TNKS: variants seen among roughly 807,000 people sequenced by gnomAD.
TNKS encodes the protein poly [ADP-ribose] polymerase tankyrase-1.
Under a neutral mutation model 135.8 loss-of-function variants are expected in TNKS, and 72 were observed. The ratio of observed to expected loss-of-function variants is 0.53; its 90% CI spans 0.44 to 0.64. The LOEUF (loss-of-function observed/expected upper bound fraction) is 0.64, where lower values mean the gene tolerates loss of function less well. Ranked by LOEUF, TNKS falls within the 30% of genes least tolerant of loss-of-function variation. The pLI is 0.00. For missense variants in TNKS, 1,769 were observed against 1,674.0 expected (o/e 1.06, Z -0.99); for synonymous variants, 849 against 649.3 (o/e 1.31, Z -4.68).
intron 17 of TNKS, among the ~76,000 whole-genome samples, chr8:9,746,240 A>T (rs1316633705): frequency 6.6e-6 from 1 of 152,222 alleles, no homozygotes; most frequent in Non-Finnish European, 1.5e-5. Flanking sequence ...CTTAAGTGCT[A>T]ACCAGCCTAA....
intron 2 of TNKS, among the ~76,000 whole-genome samples, chr8:9,612,713 G>C (rs1799507196): frequency 6.6e-6 from 1 of 152,118 alleles, no homozygotes; most frequent in Non-Finnish European, 1.5e-5. Context: ...TCGAGGGAGG[G>C]ATGAGGACCC....
At chr8:9,560,328 G>A (rs117059190) in intron 1 of TNKS, among the ~76,000 whole-genome samples, 1 of 151,666 alleles carries the variant, frequency 6.6e-6, no homozygotes, top group South Asian at 2.1e-4. Context: ...TAACATATAC[G>A]ACTTGGATTA....
intron 1 of TNKS, among the ~76,000 whole-genome samples, chr8:9,563,784 T>C (rs1797425134): frequency 6.6e-6 from 1 of 152,204 alleles, no homozygotes; most frequent in African/African-American, 2.4e-5. Context: ...TTGTGGGCAT[T>C]TTTTTCTGTT....
At chr8:9,659,382 T>A (rs961595324) in intron 3 of TNKS, among the ~76,000 whole-genome samples, 2 of 152,062 alleles carry the variant, frequency 1.3e-5, no homozygotes, top group Non-Finnish European at 2.9e-5. Context: ...TATAACAAAC[T>A]GTCTCTCAGA....
In TNKS at chr8:9,778,142, TA is replaced by T. The variant is rs1468378862; in HGVS notation, c.*1407del. On this transcript the variant is annotated 3_prime_UTR_variant, in exon 27 of 27. Transcript: ENST00000310430. Reference sequence around the variant, plus strand: ...ACATTTACCAAGTGCCATTGACATTTATAAAAAAAAATGATCCTTTATAGTT... The same window carrying T: ...ACATTTACCAAGTGCCATTGACATTTTAAAAAAAAATGATCCTTTATAGTT... 6 of 42,656 alleles carry T rather than the reference TA, an allele frequency of 1.4e-4. No homozygotes were observed. The African/African-American group carries it at 1.6e-3, about 12-fold the overall frequency. 2.6% of individuals were successfully genotyped at this position (42,656 alleles called of 1,614,324 possible).
At chr8:9,691,905 A>C (rs1256001505) in intron 5 of TNKS, among the ~76,000 whole-genome samples, 1 of 152,226 alleles carries the variant, frequency 6.6e-6, no homozygotes, top group Non-Finnish European at 1.5e-5. Flanking sequence ...AAGTCAAAAT[A>C]ATTTATTTGA....
intron 5 of TNKS, 48 bp from the exon 6 acceptor site, chr8:9,704,615 C>A: frequency 6.7e-7 from 1 of 1,485,410 alleles, no homozygotes; most frequent in South Asian, 1.2e-5. Context: ...CAAGGATTTT[C>A]TTTGTTTGTT....
intron 5 of TNKS, among the ~76,000 whole-genome samples, chr8:9,692,321 C>T (rs994876589): frequency 2.0e-5 from 3 of 146,490 alleles, no homozygotes; most frequent in Non-Finnish European, 4.5e-5. Flanking sequence ...CATTAGTTCA[C>T]TTAGGATAAT....
chr8:9,615,931 A>T (rs1399911985), intron 3 of TNKS, among the ~76,000 whole-genome samples: 1 of 152,094 alleles, frequency 6.6e-6, no homozygotes, highest in Non-Finnish European at 1.5e-5. Context: ...TATTTTAGTC[A>T]TTTTTATGGT....
chr8:9,736,336 A>G (rs1013999941), intron 17 of TNKS, among the ~76,000 whole-genome samples: 2 of 142,122 alleles, frequency 1.4e-5, no homozygotes, highest in East Asian at 2.1e-4. Flanking sequence ...TGATCAACAT[A>G]GTGAGACCTC....
At chr8:9,631,751 A>G (rs1341520668) in intron 3 of TNKS, among the ~76,000 whole-genome samples, 4 of 146,642 alleles carry the variant, frequency 2.7e-5, no homozygotes, top group Non-Finnish European at 1.5e-5. Context: ...AAAATCTGAC[A>G]TGGTTGGTTG....
chr8:9,569,637 C>T (rs1797686336), intron 1 of TNKS, among the ~76,000 whole-genome samples: 1 of 152,150 alleles, frequency 6.6e-6, no homozygotes, highest in South Asian at 2.1e-4. Flanking sequence ...CTGCTATGAA[C>T]ATTTTTGTAC....
intron 2 of TNKS, among the ~76,000 whole-genome samples, chr8:9,608,572 CAG>C (rs1554447973): frequency 6.6e-6 from 1 of 152,104 alleles, no homozygotes; most frequent in Non-Finnish European, 1.5e-5. Context: ...AAATAAGCCT[CAG>C]GGGTTTTGTC....
intron 3 of TNKS, among the ~76,000 whole-genome samples, chr8:9,658,902 A>T (rs185482295): frequency 7.7e-4 from 117 of 152,318 alleles, no homozygotes; most frequent in African/African-American, 2.8e-3. Flanking sequence ...CTACCAAGCA[A>T]ATGGAAAATA....
chr8:9,565,475 A>G (rs1468137367), intron 1 of TNKS, among the ~76,000 whole-genome samples: 1 of 152,202 alleles, frequency 6.6e-6, no homozygotes, highest in Non-Finnish European at 1.5e-5. Context: ...ATTTCCATGA[A>G]CTACAAGTCC....
intron 12 of TNKS, among the ~76,000 whole-genome samples, chr8:9,722,939 G>C (rs1278747110): frequency 9.8e-6 from 1 of 102,056 alleles, no homozygotes; most frequent in Non-Finnish European, 2.2e-5. Context: ...TATGAGTTCT[G>C]GCAAAAGATA....
chr8:9,747,629 T>C (rs1415288205), intron 17 of TNKS, among the ~76,000 whole-genome samples: 3 of 152,230 alleles, frequency 2.0e-5, no homozygotes, highest in Non-Finnish European at 4.4e-5. Context: ...GTGAATAGAA[T>C]GCATATTTGA....
chr8:9,772,511 G>C lies in TNKS; in HGVS notation c.3897+2249G>C, dbSNP rs1224862242. Reference sequence around the variant, plus strand: ...AAAATGTTAATATTATAAAAGAAAGGCTGTGCTAACTTTCCAGATTACATG... The same window carrying C: ...AAAATGTTAATATTATAAAAGAAAGCCTGTGCTAACTTTCCAGATTACATG... On this transcript the variant is annotated intron_variant, in intron 26 of 26. Transcript: ENST00000310430. The C allele has an allele frequency of 1.4e-5, 6 of 436,534 alleles. No homozygotes were observed. The East Asian group carries it at 2.8e-4, about 20-fold the overall frequency. The allele number at this position is 436,534 out of a possible 1,614,324, so 27.0% of individuals were successfully genotyped here. A position where few individuals can be genotyped will look rare whatever the true frequency, so the allele number is the denominator to read the frequency against.
intron 1 of TNKS, among the ~76,000 whole-genome samples, chr8:9,561,309 G>C (rs1224987183): frequency 6.6e-6 from 1 of 152,146 alleles, no homozygotes; most frequent in Admixed American, 6.6e-5. Context: ...ATGTGTAACT[G>C]AACTTATGAC....
Sources: allele counts gnomAD v4.1 joint callset (sites outside exome capture counted in the v4.1 genomes callset), GRCh38; gene constraint gnomAD v4.1.1; transcripts MANE v1.5; gene names NCBI Gene and HGNC (gene_info 2026-07-23, HGNC 2026-07-21).